Variants in CNTN5 observed in about 807,000 individuals in gnomAD.
The protein encoded by CNTN5 is contactin 5.
In CNTN5, 77 loss-of-function variants were observed where a neutral mutation model predicts 129.1. That is an observed-to-expected ratio of 0.60 (90% confidence interval 0.50 to 0.72). The LOEUF (loss-of-function observed/expected upper bound fraction) is 0.72, where lower values mean the gene tolerates loss of function less well. Among genes scored for constraint, CNTN5 ranks in the 30% least tolerant of loss-of-function variants. The probability of loss-of-function intolerance (pLI) is 0.00; values close to 1 mark genes in which losing one functional copy is unlikely to be tolerated. For missense variants in CNTN5, 1,478 were observed against 1,328.8 expected, an observed-to-expected ratio of 1.11 and a Z score of -1.75; for synonymous variants, 509 against 465.6, an observed-to-expected ratio of 1.09 and a Z score of -1.20.
At chr11:100,075,793 G>C (rs1944101914) in intron 13 of CNTN5, among the ~76,000 whole-genome samples, 2 of 152,092 alleles carry the variant, frequency 1.3e-5, no homozygotes, top group African/African-American at 4.8e-5. Context: ...GATCTGCCTT[G>C]GGGGAGAGAA....
intron 4 of CNTN5, among the ~76,000 whole-genome samples, chr11:99,842,010 T>G (rs1359225911): frequency 2.0e-5 from 3 of 151,682 alleles, no homozygotes; most frequent in Non-Finnish European, 4.4e-5. Flanking sequence ...CCTCAGCCTC[T>G]GAAGTAGCTG....
chr11:99,470,653 C>A (rs1330136295), intron 2 of CNTN5, among the ~76,000 whole-genome samples: 2 of 151,980 alleles, frequency 1.3e-5, no homozygotes, highest in African/African-American at 4.8e-5. Context: ...ACACACCTAA[C>A]TTTTTTGCCC....
chr11:99,779,236 GA>G (rs1196645883), intron 3 of CNTN5, among the ~76,000 whole-genome samples: 1 of 151,738 alleles, frequency 6.6e-6, no homozygotes, highest in Admixed American at 6.6e-5. Context: ...TTTTAGGCAA[GA>G]AAAAATTCAG....
chr11:99,768,632 C>G (rs1408547752), intron 3 of CNTN5, among the ~76,000 whole-genome samples: 1 of 152,072 alleles, frequency 6.6e-6, no homozygotes, highest in East Asian at 1.9e-4. Flanking sequence ...GTGATGATTT[C>G]CTCTTGAATT....
chr11:100,061,807 C>T (rs1943495294), intron 10 of CNTN5, among the ~76,000 whole-genome samples: 1 of 152,144 alleles, frequency 6.6e-6, no homozygotes, highest in South Asian at 2.1e-4. Flanking sequence ...AAGTCACACC[C>T]ACTTGTTTAC....
chr11:99,419,726 T>C (rs1239744566), intron 2 of CNTN5, among the ~76,000 whole-genome samples: 1 of 152,176 alleles, frequency 6.6e-6, no homozygotes, highest in Non-Finnish European at 1.5e-5. Context: ...GAGAAAGTTA[T>C]GTAAATTTCT....
chr11:99,614,790 G>C (rs1211241774), intron 3 of CNTN5, among the ~76,000 whole-genome samples: 1 of 151,766 alleles, frequency 6.6e-6, no homozygotes, highest in Non-Finnish European at 1.5e-5. Flanking sequence ...TTTTTTTATT[G>C]TACCCCACTT....
intron 21 of CNTN5, among the ~76,000 whole-genome samples, chr11:100,319,146 T>C (rs1387140984): frequency 2.0e-5 from 3 of 149,696 alleles, no homozygotes; most frequent in Non-Finnish European, 4.4e-5. Flanking sequence ...TGTTTTCTTT[T>C]TCTTTTCTTT....
chr11:99,369,798 T>G (rs1477851227), intron 2 of CNTN5, among the ~76,000 whole-genome samples: 1 of 152,086 alleles, frequency 6.6e-6, no homozygotes, highest in East Asian at 1.9e-4. Context: ...GTATGCTAGG[T>G]GGTAGAAATA....
chr11:99,802,477 G>T (rs1282188027), intron 3 of CNTN5, among the ~76,000 whole-genome samples: 1 of 152,162 alleles, frequency 6.6e-6, no homozygotes, highest in Non-Finnish European at 1.5e-5. Flanking sequence ...CCACTGGGTG[G>T]CCACCAAGTG....
At chr11:100,074,093 G>T (rs1406273205) in intron 12 of CNTN5, 51 bp from the exon 13 acceptor site, 27 of 1,537,164 alleles carry the variant, frequency 1.8e-5, no homozygotes, top group Middle Eastern at 1.7e-4. Flanking sequence ...TCACCCATTA[G>T]AGATTATTGT....
intron 2 of CNTN5, among the ~76,000 whole-genome samples, chr11:99,337,556 G>A (rs1048071656): frequency 2.6e-5 from 4 of 152,188 alleles, no homozygotes; most frequent in African/African-American, 9.7e-5. Context: ...GACTTTAGGT[G>A]GTTTTCTGCC....
chr11:99,045,648 A>T (rs987495257), intron 1 of CNTN5, among the ~76,000 whole-genome samples: 2 of 152,206 alleles, frequency 1.3e-5, no homozygotes, highest in Non-Finnish European at 2.9e-5. Context: ...ATATCTCAGG[A>T]TTATTGCCAG....
chr11:99,505,993 T>A (rs1565239751), intron 2 of CNTN5, among the ~76,000 whole-genome samples: 1 of 152,222 alleles, frequency 6.6e-6, no homozygotes. Context: ...ACGGATCAGG[T>A]ACAGTGGCTT....
intron 21 of CNTN5, among the ~76,000 whole-genome samples, chr11:100,323,737 C>T (rs1591514541): frequency 6.7e-6 from 1 of 149,246 alleles, no homozygotes; most frequent in African/African-American, 2.5e-5. Context: ...CTTAATGTTT[C>T]TTTTTCCAAT....
chr11:99,901,419 T>C (rs1350057453), intron 6 of CNTN5, among the ~76,000 whole-genome samples: 1 of 152,114 alleles, frequency 6.6e-6, no homozygotes, highest in African/African-American at 2.4e-5. Flanking sequence ...GTCTCTCAAG[T>C]AGCTAGGATT....
intron 13 of CNTN5, among the ~76,000 whole-genome samples, chr11:100,081,231 T>C (rs116795667): frequency 6.6e-6 from 1 of 152,096 alleles, no homozygotes; most frequent in Non-Finnish European, 1.5e-5. Context: ...GAAAACACAG[T>C]CATAGCAGCA....
At chr11:99,810,873 T>C (rs1025368773) in intron 3 of CNTN5, among the ~76,000 whole-genome samples, 9 of 152,076 alleles carry the variant, frequency 5.9e-5, no homozygotes, top group Admixed American at 4.6e-4. Context: ...ATATTGTATG[T>C]CTTCTGTTTT....
intron 3 of CNTN5, among the ~76,000 whole-genome samples, chr11:99,655,692 A>G (rs372176961): frequency 3.9e-5 from 6 of 152,112 alleles, no homozygotes; most frequent in African/African-American, 1.2e-4. Flanking sequence ...TGTATAATAA[A>G]TTCCATTGCT....
Sources: allele counts gnomAD v4.1 joint callset (sites outside exome capture counted in the v4.1 genomes callset), GRCh38; gene constraint gnomAD v4.1.1; transcripts MANE v1.5; gene names NCBI Gene and HGNC (gene_info 2026-07-23, HGNC 2026-07-21).